Variants in FOXJ3 observed in about 807,000 individuals in gnomAD.
The protein encoded by FOXJ3 is forkhead box J3, also known as forkhead box protein J3.
FOXJ3 carries 22 observed loss-of-function variants against 76.1 expected under a neutral mutation model. That is an observed-to-expected ratio of 0.29 (90% CI 0.21 to 0.41). FOXJ3 has a LOEUF of 0.41. Ranked by LOEUF, FOXJ3 falls within the 10% of genes least tolerant of loss-of-function variation. The probability of loss-of-function intolerance (pLI) is 1.00; values close to 1 mark genes in which losing one functional copy is unlikely to be tolerated. For missense variants in FOXJ3, 613 were observed against 762.1 expected, an observed-to-expected ratio of 0.80 and a Z score of 2.30; for synonymous variants, 269 against 261.2, an observed-to-expected ratio of 1.03 and a Z score of -0.29.
intron 2 of FOXJ3, among the ~76,000 whole-genome samples, chr1:42,282,764 AATCCCCTC>A (rs1374509267): frequency 6.6e-6 from 1 of 152,208 alleles, no homozygotes; most frequent in Non-Finnish European, 1.5e-5. Context: ...AAGCCTGGTC[AATCCCCTC>A]TTTCCATCCT....
chr1:42,285,408 A>G (rs1652987153), intron 2 of FOXJ3, among the ~76,000 whole-genome samples: 1 of 151,898 alleles, frequency 6.6e-6, no homozygotes, highest in Non-Finnish European at 1.5e-5. Context: ...GGCAGTCTTC[A>G]CATTAAAAAA....
intron 2 of FOXJ3, among the ~76,000 whole-genome samples, chr1:42,278,941 T>C (rs542328820): frequency 6.6e-6 from 1 of 152,202 alleles, no homozygotes; most frequent in Non-Finnish European, 1.5e-5. Flanking sequence ...GTGGTTCCGA[T>C]GCCAATCTTT....
intron 1 of FOXJ3, among the ~76,000 whole-genome samples, chr1:42,330,004 C>G (rs1373212022): frequency 6.6e-6 from 1 of 152,152 alleles, no homozygotes; most frequent in East Asian, 1.9e-4. Flanking sequence ...TTAGTCAAAT[C>G]AACCTCTCTG....
chr1:42,203,137 T>C (rs1255588541), intron 6 of FOXJ3, among the ~76,000 whole-genome samples: 1 of 152,226 alleles, frequency 6.6e-6, no homozygotes, highest in African/African-American at 2.4e-5. Flanking sequence ...ATTAAATCCA[T>C]CTACTGGGTT....
At chr1:42,201,095 G>A (rs1332299591) in intron 6 of FOXJ3, among the ~76,000 whole-genome samples, 2 of 24,026 alleles carry the variant, frequency 8.3e-5, no homozygotes, top group South Asian at 1.4e-3. Flanking sequence ...TTTCAAGGCA[G>A]AAATAAAATT....
chr1:42,251,836 A>G (rs1265601653), intron 4 of FOXJ3, among the ~76,000 whole-genome samples: 1 of 147,694 alleles, frequency 6.8e-6, no homozygotes, highest in Non-Finnish European at 1.5e-5. Context: ...CTCCTGCCTC[A>G]GCCTCCCCTG....
intron 2 of FOXJ3, among the ~76,000 whole-genome samples, chr1:42,289,421 G>GCTA (rs1234554380): frequency 6.6e-6 from 1 of 152,116 alleles, no homozygotes; most frequent in Non-Finnish European, 1.5e-5. Flanking sequence ...TTAGCATACA[G>GCTA]TGAATGCTTG....
chr1:42,237,030 T>C (rs72674533), intron 4 of FOXJ3, among the ~76,000 whole-genome samples: 1,942 of 152,220 alleles, frequency 0.013, 21 homozygotes, highest in Non-Finnish European at 0.018. Flanking sequence ...TATTAGACTT[T>C]TTAGTATTCC....
chr1:42,232,445 C>T (rs1648227675), intron 4 of FOXJ3, among the ~76,000 whole-genome samples: 2 of 149,242 alleles, frequency 1.3e-5, no homozygotes, highest in Admixed American at 1.3e-4. Context: ...TTCTCCACAT[C>T]CTCTCCAGCA....
chr1:42,334,479 C>T (rs928454546), intron 1 of FOXJ3, among the ~76,000 whole-genome samples: 4 of 151,932 alleles, frequency 2.6e-5, no homozygotes, highest in South Asian at 4.2e-4. Context: ...GACAGCAACA[C>T]GTCCGCATGG....
chr1:42,235,565 T>C (rs1221181961), intron 4 of FOXJ3, among the ~76,000 whole-genome samples: 2 of 139,224 alleles, frequency 1.4e-5, no homozygotes, highest in Non-Finnish European at 3.3e-5. Flanking sequence ...TTTTTGTGTT[T>C]TTTTGTTTTT....
rs77078318 is a variant in FOXJ3 at position 42,184,682 on chromosome 1, C to T, written c.1646-2658G>A. 4.2e-3 allele frequency among the ~76,000 whole-genome samples: 645 copies of T among 152,116 alleles called. 11 individuals are homozygous for T. Among genetic ancestry groups the T allele is most frequent in the African/African-American group, 0.015 (602 of 41,430 alleles). ...ACAAAGTAAATTAAATAGTATGTAACATGCTATGGAAAAAAAGCAGAGAGA... is the reference window on the plus strand; with the variant it reads ...ACAAAGTAAATTAAATAGTATGTAATATGCTATGGAAAAAAAGCAGAGAGA... On this transcript the variant is annotated intron_variant, in intron 11 of 12. Transcript: ENST00000361346.
intron 3 of FOXJ3, among the ~76,000 whole-genome samples, chr1:42,266,080 T>C (rs1651444731): frequency 6.6e-6 from 1 of 152,198 alleles, no homozygotes; most frequent in African/African-American, 2.4e-5. Flanking sequence ...TCCAACTGCA[T>C]TTAGCCATTA....
chr1:42,301,491 C>T (rs765114025), intron 2 of FOXJ3, among the ~76,000 whole-genome samples: 2 of 152,182 alleles, frequency 1.3e-5, no homozygotes, highest in Non-Finnish European at 1.5e-5. Flanking sequence ...GCATGAGGTA[C>T]CACACCGGAC....
At chr1:42,306,903 A>C (rs1197710216) in intron 2 of FOXJ3, among the ~76,000 whole-genome samples, 1 of 152,176 alleles carries the variant, frequency 6.6e-6, no homozygotes, top group Non-Finnish European at 1.5e-5. Context: ...CTGTTGGAAC[A>C]AGGATGGCAG....
intron 5 of FOXJ3, among the ~76,000 whole-genome samples, chr1:42,206,547 C>T (rs1646865436): frequency 6.6e-6 from 1 of 152,150 alleles, no homozygotes; most frequent in Admixed American, 6.5e-5. Context: ...TTCTACCTGA[C>T]AGAGAAATAA....
At chr1:42,185,017 G>C (rs553414161) in intron 11 of FOXJ3, among the ~76,000 whole-genome samples, 2 of 152,132 alleles carry the variant, frequency 1.3e-5, no homozygotes, top group South Asian at 4.1e-4. Context: ...GGCCATATAG[G>C]CCATAGTAAC....
At chr1:42,272,780 T>C (rs1167818740) in intron 3 of FOXJ3, among the ~76,000 whole-genome samples, 1 of 152,218 alleles carries the variant, frequency 6.6e-6, no homozygotes, top group Non-Finnish European at 1.5e-5. Flanking sequence ...AGGAAAACAA[T>C]ACTCGAACTT....
At chr1:42,252,106 C>T (rs548041279) in intron 4 of FOXJ3, among the ~76,000 whole-genome samples, 354 of 152,180 alleles carry the variant, frequency 2.3e-3, no homozygotes, top group Non-Finnish European at 3.7e-3. Context: ...TGTCTCTGCC[C>T]GGCTTTGGTA....
Sources: gnomAD v4.1 joint callset for allele counts (sites outside exome capture counted in the v4.1 genomes callset) on GRCh38, gnomAD v4.1.1 for gene constraint, MANE v1.5 for transcripts, NCBI Gene and HGNC (gene_info 2026-07-23, HGNC 2026-07-21) for gene names.